The following RSRC1 variants were observed in gnomAD, a reference collection of about 807,000 sequenced individuals.
The protein encoded by RSRC1 is serine/Arginine-related protein 53.
Under a neutral mutation model 49.1 loss-of-function variants are expected in RSRC1, and 39 were observed. That is an observed-to-expected ratio of 0.79 (90% CI 0.61 to 1.04). The LOEUF (loss-of-function observed/expected upper bound fraction) is 1.04, where lower values mean the gene tolerates loss of function less well. Ranked by LOEUF, RSRC1 falls within the 50% of genes least tolerant of loss-of-function variation. RSRC1 has a pLI of 0.00. For missense variants in RSRC1, 388 were observed against 402.4 expected, an observed-to-expected ratio of 0.96 and a Z score of 0.31; for synonymous variants, 143 against 130.8, an observed-to-expected ratio of 1.09 and a Z score of -0.63.
intron 7 of RSRC1, among the ~76,000 whole-genome samples, chr3:158,477,552 G>A (rs1738419738): frequency 6.6e-6 from 1 of 151,944 alleles, no homozygotes; most frequent in African/African-American, 2.4e-5. Context: ...TTAAATTAAG[G>A]CATGTACAGT....
intron 7 of RSRC1, among the ~76,000 whole-genome samples, chr3:158,468,960 C>T (rs1021626826): frequency 1.3e-5 from 2 of 151,994 alleles, no homozygotes; most frequent in Admixed American, 6.5e-5. Context: ...AGAATATAGT[C>T]GCAATCATTA....
intron 3 of RSRC1, among the ~76,000 whole-genome samples, chr3:158,194,429 G>C (rs1052857509): frequency 6.6e-6 from 1 of 150,582 alleles, no homozygotes; most frequent in Non-Finnish European, 1.5e-5. Flanking sequence ...AAACAGTGTT[G>C]TCATGAACAC....
chr3:158,463,414 A>C (rs1333439426), intron 7 of RSRC1, among the ~76,000 whole-genome samples: 1 of 152,100 alleles, frequency 6.6e-6, no homozygotes, highest in Non-Finnish European at 1.5e-5. Context: ...TGCAAATTGA[A>C]ACCTTAGATC....
intron 5 of RSRC1, among the ~76,000 whole-genome samples, chr3:158,337,983 G>A (rs1000419407): frequency 2.6e-5 from 4 of 152,160 alleles, no homozygotes; most frequent in Non-Finnish European, 5.9e-5. Context: ...TAATTCATTA[G>A]ATGCTGAGGC....
intron 6 of RSRC1, among the ~76,000 whole-genome samples, chr3:158,418,704 G>A (rs1165286325): frequency 1.3e-5 from 2 of 151,912 alleles, no homozygotes; most frequent in Non-Finnish European, 2.9e-5. Flanking sequence ...GAATACTTAA[G>A]TAAAACAAGT....
intron 3 of RSRC1, among the ~76,000 whole-genome samples, chr3:158,137,515 T>C (rs1160387228): frequency 1.3e-5 from 2 of 151,988 alleles, no homozygotes; most frequent in Non-Finnish European, 2.9e-5. Flanking sequence ...TCAAAATTCA[T>C]TGTTTAGATC....
chr3:158,503,921 C>G (rs9810887), intron 7 of RSRC1, among the ~76,000 whole-genome samples: 78,774 of 151,904 alleles, frequency 0.52, 20,887 homozygotes, highest in African/African-American at 0.63. Flanking sequence ...AATTGTTACA[C>G]AGTTCAGCTG....
intron 4 of RSRC1, among the ~76,000 whole-genome samples, chr3:158,239,278 C>G (rs1723427251): frequency 6.6e-6 from 1 of 152,158 alleles, no homozygotes; most frequent in Admixed American, 6.5e-5. Flanking sequence ...TAAATTAGTT[C>G]AACCATTGTG....
At chr3:158,139,215 A>G (rs1375018106) in intron 3 of RSRC1, among the ~76,000 whole-genome samples, 2 of 152,060 alleles carry the variant, frequency 1.3e-5, no homozygotes, top group Admixed American at 6.5e-5. Context: ...AGCCTGGCCA[A>G]CATGGTGAAA....
At chr3:158,194,584 T>C (rs1200365668) in intron 3 of RSRC1, among the ~76,000 whole-genome samples, 1 of 151,458 alleles carries the variant, frequency 6.6e-6, no homozygotes, top group Non-Finnish European at 1.5e-5. Flanking sequence ...GCCATGTTGG[T>C]GTGCTGCACC....
chr3:158,360,684 A>G (rs1381898392), intron 6 of RSRC1, among the ~76,000 whole-genome samples: 1 of 152,228 alleles, frequency 6.6e-6, no homozygotes, highest in African/African-American at 2.4e-5. Context: ...GGGCTGTGAC[A>G]GCACCTAGGC....
chr3:158,282,983 C>G (rs951335900), intron 4 of RSRC1, among the ~76,000 whole-genome samples: 6 of 152,244 alleles, frequency 3.9e-5, no homozygotes, highest in East Asian at 3.9e-4. Context: ...TTGAAGAGTT[C>G]ACCATTTCTG....
At chr3:158,252,528 T>C (rs531384073) in intron 4 of RSRC1, among the ~76,000 whole-genome samples, 4 of 152,354 alleles carry the variant, frequency 2.6e-5, no homozygotes, top group Admixed American at 2.6e-4. Context: ...TCAATGTTCA[T>C]CAGGGATATT....
intron 7 of RSRC1, among the ~76,000 whole-genome samples, chr3:158,514,406 T>A (rs1380323424): frequency 6.6e-6 from 1 of 152,218 alleles, no homozygotes; most frequent in Non-Finnish European, 1.5e-5. Context: ...GTTTGTTCAG[T>A]TTCCATGTAG....
chr3:158,373,966 A>G (rs1222442177), intron 6 of RSRC1, among the ~76,000 whole-genome samples: 1 of 152,054 alleles, frequency 6.6e-6, no homozygotes, highest in Non-Finnish European at 1.5e-5. Flanking sequence ...AATAAGCAGC[A>G]CTTTGCTTTA....
In RSRC1 at chr3:158,539,487, C is replaced by T. The variant is rs1712912236; in HGVS notation, c.759+2289C>T. Among the ~76,000 whole-genome samples the T allele has an allele frequency of 6.6e-6, 1 of 151,996 alleles. No individual in the cohort carries two copies. The highest frequency in any genetic ancestry group is 2.4e-5 in the African/African-American group (1 of 41,400). On this transcript the variant is annotated intron_variant, in intron 8 of 9. Coordinates refer to ENST00000611884, the MANE Select transcript of RSRC1 (RefSeq NM_001271838.2). The surrounding 1 kb of genome is among the most constrained non-coding windows in gnomAD (Gnocchi z 4.1). Reference sequence around the variant, plus strand: ...CAAACTTAGTATGAGTTATTCAACCCTAATGTTGTTGTATCTGGCAGATAC... The same window carrying T: ...CAAACTTAGTATGAGTTATTCAACCTTAATGTTGTTGTATCTGGCAGATAC...
At chr3:158,370,055 G>A (rs1192234302) in intron 6 of RSRC1, among the ~76,000 whole-genome samples, 1 of 151,850 alleles carries the variant, frequency 6.6e-6, no homozygotes, top group African/African-American at 2.4e-5. Flanking sequence ...AAAAGCTCCT[G>A]AATGGTGTGA....
chr3:158,470,355 C>CATATATATAT (rs1305618940), intron 7 of RSRC1, among the ~76,000 whole-genome samples: 3 of 117,144 alleles, frequency 2.6e-5, no homozygotes, highest in Admixed American at 8.7e-5. Flanking sequence ...CACACACACA[C>CATATATATAT]ACACACATAT....
chr3:158,485,443 T>A (rs1170413852), intron 7 of RSRC1, among the ~76,000 whole-genome samples: 1 of 152,156 alleles, frequency 6.6e-6, no homozygotes, highest in Non-Finnish European at 1.5e-5. Flanking sequence ...TATATTAAGA[T>A]AATTCATAGC....
Sources: allele counts gnomAD v4.1 joint callset (sites outside exome capture counted in the v4.1 genomes callset), GRCh38; gene constraint gnomAD v4.1.1; non-coding constraint Gnocchi (gnomAD v3.1); transcripts MANE v1.5; gene names NCBI Gene and HGNC (gene_info 2026-07-23, HGNC 2026-07-21).